The following EPM2A variants were observed in gnomAD, a reference collection of about 807,000 sequenced individuals.
EPM2A encodes the protein laforin.
A neutral mutation model predicts 26.5 loss-of-function variants in EPM2A; 21 were observed. That is an observed-to-expected ratio of 0.79 (90% CI 0.56 to 1.14). The LOEUF is 1.14. Ranked by LOEUF, EPM2A falls within the 50% of genes most tolerant of loss-of-function variation. The pLI is 0.00. For missense variants in EPM2A, 458 were observed against 440.8 expected (o/e 1.04, Z -0.35); for synonymous variants, 217 against 177.6 (o/e 1.22, Z -1.76).
At chr6:145,662,895 A>G (rs559926834) in intron 2 of EPM2A, among the ~76,000 whole-genome samples, 1 of 152,304 alleles carries the variant, frequency 6.6e-6, no homozygotes, top group African/African-American at 2.4e-5. Context: ...GGACCTGACT[A>G]AAGTTTGGCC....
intron 2 of EPM2A, among the ~76,000 whole-genome samples, chr6:145,598,073 CCT>C (rs1482467989): frequency 6.6e-5 from 10 of 152,078 alleles, no homozygotes; most frequent in African/African-American, 2.4e-4. Context: ...GATTTGTATT[CCT>C]CTGTGTATAT....
chr6:145,418,109 G>T (rs768480973), intron 4 of EPM2A, among the ~76,000 whole-genome samples: 1 of 152,132 alleles, frequency 6.6e-6, no homozygotes, highest in African/African-American at 2.4e-5. Flanking sequence ...TAGTCACCTG[G>T]GCCAGCCATT....
In EPM2A at chr6:145,656,643, T is replaced by TTTGGCAACATGATGACATG. The variant is rs553749638; in HGVS notation, c.477-21176_477-21158dup. On this transcript the variant is annotated intron_variant, in intron 2 of 3. Coordinates refer to ENST00000367519, the MANE Select transcript of EPM2A (RefSeq NM_005670.4). ...AGAGAGGGCTTGATCAATATCAGGTTTTGGCAACATGATGACATGATGTCA... is the reference window on the plus strand; with the variant it reads ...AGAGAGGGCTTGATCAATATCAGGTTTTGGCAACATGATGACATGTTGGCAACATGATGACATGATGTCA... Among the ~76,000 whole-genome samples the TTTGGCAACATGATGACATG allele has an allele frequency of 5.2e-3, 786 of 152,292 alleles. 4 individuals carry two copies. The highest frequency in any genetic ancestry group is 0.018 in the African/African-American group (753 of 41,548).
In EPM2A at chr6:145,480,071, T is replaced by A. The variant is rs368315613; in HGVS notation, c.555+22451A>T. ...TTCATATATCTTCTTTCAAGAAATA[T>A]ACCATTAAATTGTTTGCCAGTTTTT... On this transcript the variant is annotated intron_variant, in intron 4 of 4. Transcript: ENST00000638717. Among the ~76,000 whole-genome samples the A allele has an allele frequency of 1.6e-4, 25 of 152,188 alleles. No homozygotes were observed. In the East Asian group the frequency reaches 4.2e-3, roughly 26 times the overall value.
At chr6:145,474,710 A>C (rs1351561472) in intron 4 of EPM2A, among the ~76,000 whole-genome samples, 1 of 152,176 alleles carries the variant, frequency 6.6e-6, no homozygotes, top group Non-Finnish European at 1.5e-5. Flanking sequence ...AAAATTGTGC[A>C]ATCTATCCAT....
intron 2 of EPM2A, among the ~76,000 whole-genome samples, chr6:145,590,594 T>C (rs9399558): frequency 0.36 from 54,947 of 151,862 alleles, 10,394 homozygotes; most frequent in South Asian, 0.51. Flanking sequence ...TAATAATAGA[T>C]TGCACATTAA....
intron 2 of EPM2A, among the ~76,000 whole-genome samples, chr6:145,554,245 T>C (rs867977912): frequency 6.6e-6 from 1 of 151,810 alleles, no homozygotes; most frequent in Non-Finnish European, 1.5e-5. Flanking sequence ...AGGGGGGTAG[T>C]ATGATGTAGT....
intron 2 of EPM2A, among the ~76,000 whole-genome samples, chr6:145,589,581 T>C (rs1781241759): frequency 6.6e-6 from 1 of 151,916 alleles, no homozygotes; most frequent in South Asian, 2.1e-4. Flanking sequence ...AAATGGTGAG[T>C]TGAATTAGAT....
intron 2 of EPM2A, among the ~76,000 whole-genome samples, chr6:145,617,763 A>T (rs1244891426): frequency 6.6e-6 from 1 of 152,062 alleles, no homozygotes; most frequent in Non-Finnish European, 1.5e-5. Context: ...ACATAGTGAG[A>T]CCCCCATCTT....
chr6:145,460,400 C>T (rs901991333), intron 4 of EPM2A, among the ~76,000 whole-genome samples: 1 of 152,110 alleles, frequency 6.6e-6, no homozygotes, highest in Admixed American at 6.6e-5. Flanking sequence ...CAACTATAAA[C>T]TAAGAAGAAG....
At chr6:145,658,333 T>C (rs1323302060) in intron 2 of EPM2A, among the ~76,000 whole-genome samples, 1 of 152,244 alleles carries the variant, frequency 6.6e-6, no homozygotes, top group Non-Finnish European at 1.5e-5. Flanking sequence ...TTATTTTTAA[T>C]GAGGATCTGT....
chr6:145,675,960 C>G (rs1290954208), intron 2 of EPM2A, among the ~76,000 whole-genome samples: 1 of 152,166 alleles, frequency 6.6e-6, no homozygotes, highest in Non-Finnish European at 1.5e-5. Flanking sequence ...ACTTTTCACC[C>G]AAAATCAACA....
At chr6:145,392,955 A>T (rs1295140812) in intron 4 of EPM2A, among the ~76,000 whole-genome samples, 2 of 152,128 alleles carry the variant, frequency 1.3e-5, no homozygotes, top group Admixed American at 1.3e-4. Context: ...GATATATCCA[A>T]AAAAGGGATG....
intron 4 of EPM2A, among the ~76,000 whole-genome samples, chr6:145,403,299 G>T (rs934716276): frequency 1.3e-5 from 2 of 151,884 alleles, no homozygotes; most frequent in African/African-American, 4.8e-5. Flanking sequence ...ATTGACTATA[G>T]TCAACCTATT....
chr6:145,691,659 G>A (rs1781288498), intron 1 of EPM2A, among the ~76,000 whole-genome samples: 1 of 151,994 alleles, frequency 6.6e-6, no homozygotes, highest in South Asian at 2.1e-4. Context: ...GAATGAAAAA[G>A]GAGGTAAGTT....
chr6:145,592,229 C>T (rs1164325459), intron 2 of EPM2A, among the ~76,000 whole-genome samples: 1 of 138,282 alleles, frequency 7.2e-6, no homozygotes, highest in Non-Finnish European at 1.5e-5. Flanking sequence ...TCTCATTGTT[C>T]AATTCCCACC....
chr6:145,731,484 G>A (rs1246953219), intron 1 of EPM2A, among the ~76,000 whole-genome samples: 2 of 152,124 alleles, frequency 1.3e-5, no homozygotes, highest in South Asian at 2.1e-4. Context: ...GCAAAGATAT[G>A]GAACCAACCT....
intron 2 of EPM2A, among the ~76,000 whole-genome samples, chr6:145,592,932 A>G (rs1781294554): frequency 6.6e-6 from 1 of 152,174 alleles, no homozygotes; most frequent in African/African-American, 2.4e-5. Flanking sequence ...AATAACAAAT[A>G]TAGCAGATAT....
rs116495495 is a variant in EPM2A, at chr6:145,641,943, C to T, written c.477-6457G>A. On this transcript the variant is annotated intron_variant, in intron 2 of 3. Transcript: ENST00000367519. ...CTTACATGACTCTCAGAGAATGAAC[C>T]TCAATGAAGAATCCCATGATGTAAG... is the stretch of plus-strand genomic sequence containing the variant. Among the ~76,000 whole-genome samples, 422 of 152,248 alleles carry T rather than the reference C, an allele frequency of 2.8e-3. 6 individuals are homozygous for T. Among genetic ancestry groups the T allele is most frequent in the African/African-American group, 9.7e-3 (403 of 41,564 alleles).
Sources: allele counts gnomAD v4.1 joint callset (sites outside exome capture counted in the v4.1 genomes callset), GRCh38; gene constraint gnomAD v4.1.1; transcripts MANE v1.5; gene names NCBI Gene and HGNC (gene_info 2026-07-23, HGNC 2026-07-21).